The following DTD1 variants were observed in gnomAD, a reference collection of about 807,000 sequenced individuals.
DTD1 encodes D-tyrosyl-tRNA deacylase 1 homolog.
In DTD1, 13 loss-of-function variants were observed where a neutral mutation model predicts 25.6. The observed-to-expected ratio is 0.51, with a 90% CI of 0.33 to 0.81. DTD1 has a LOEUF of 0.81. Ranked by LOEUF, DTD1 falls within the 30% of genes least tolerant of loss-of-function variation. DTD1 has a pLI of 0.02. For missense variants in DTD1, 193 were observed against 266.4 expected (o/e 0.72, Z 1.92); for synonymous variants, 110 against 103.6 (o/e 1.06, Z -0.37).
At chr20:18,630,158 G>A (rs913263870) in intron 4 of DTD1, among the ~76,000 whole-genome samples, 2 of 151,978 alleles carry the variant, frequency 1.3e-5, no homozygotes, top group Non-Finnish European at 2.9e-5. Flanking sequence ...ACATGAAAAT[G>A]TAAGCTTTTT....
At chr20:18,641,669 T>G (rs897129525) in intron 4 of DTD1, among the ~76,000 whole-genome samples, 2 of 152,246 alleles carry the variant, frequency 1.3e-5, no homozygotes, top group African/African-American at 4.8e-5. Context: ...ATATCTTCTT[T>G]GGAGATCTAT....
chr20:18,676,559 A>G (rs1183931035), intron 4 of DTD1, among the ~76,000 whole-genome samples: 1 of 152,124 alleles, frequency 6.6e-6, no homozygotes, highest in Non-Finnish European at 1.5e-5. Flanking sequence ...TGTAGCCAAT[A>G]AATTGGAAAA....
chr20:18,631,731 C>G (rs887149250), intron 4 of DTD1: 15 of 985,316 alleles, frequency 1.5e-5, no homozygotes, highest in African/African-American at 8.7e-5. Context: ...TGTCTTGCCT[C>G]TGGCTACTCC....
chr20:18,634,848 G>A (rs1457022678), intron 4 of DTD1, among the ~76,000 whole-genome samples: 1 of 152,188 alleles, frequency 6.6e-6, no homozygotes, highest in East Asian at 1.9e-4. Flanking sequence ...GCACACAGGT[G>A]GCTTGCTTCT....
At chr20:18,635,107 A>C (rs2060801913) in intron 4 of DTD1, among the ~76,000 whole-genome samples, 1 of 152,206 alleles carries the variant, frequency 6.6e-6, no homozygotes, top group Admixed American at 6.5e-5. Context: ...ACATGGCCTG[A>C]ACCAAGCTCG....
At chr20:18,680,548 C>A (rs2060993161) in intron 4 of DTD1, among the ~76,000 whole-genome samples, 1 of 151,716 alleles carries the variant, frequency 6.6e-6, no homozygotes, top group South Asian at 2.1e-4. Flanking sequence ...GGATTGAACA[C>A]CTACTCTGAC....
intron 4 of DTD1, among the ~76,000 whole-genome samples, chr20:18,725,990 G>C (rs530725544): frequency 6.6e-6 from 1 of 152,316 alleles, no homozygotes; most frequent in East Asian, 1.9e-4. Flanking sequence ...GGGTACTGTG[G>C]TCAGTTCTAG....
rs368435535 is a variant in DTD1, at chr20:18,757,818, A to G, written c.*20-5542A>G. Reference sequence around the variant, plus strand: ...GTTAGGGAGGATTCCCTCTTTTTCTATTGATTGGAATAGTTTCAGAAGGAA... The same window carrying G: ...GTTAGGGAGGATTCCCTCTTTTTCTGTTGATTGGAATAGTTTCAGAAGGAA... On this transcript the variant is annotated intron_variant, in intron 5 of 5. Transcript: ENST00000377452. Among the ~76,000 whole-genome samples the G allele has an allele frequency of 3.4e-3, 512 of 152,148 alleles. 9 individuals carry two copies. Among genetic ancestry groups the G allele is most frequent in the Admixed American group, 0.029 (449 of 15,288 alleles).
intron 4 of DTD1, among the ~76,000 whole-genome samples, chr20:18,710,223 TATC>T (rs1236597042): frequency 6.6e-6 from 1 of 152,212 alleles, no homozygotes; most frequent in East Asian, 1.9e-4. Context: ...ACAGGTTAGG[TATC>T]ATGTCTTATC....
chr20:18,673,045 T>G (rs1395801185), intron 4 of DTD1, among the ~76,000 whole-genome samples: 1 of 152,192 alleles, frequency 6.6e-6, no homozygotes, highest in African/African-American at 2.4e-5. Flanking sequence ...CAGTAACTGT[T>G]TATCGAATTA....
At chr20:18,659,372 T>C (rs2060901057) in intron 4 of DTD1, among the ~76,000 whole-genome samples, 1 of 152,168 alleles carries the variant, frequency 6.6e-6, no homozygotes, top group African/African-American at 2.4e-5. Context: ...TGCAGACTCT[T>C]TCCTCCCTCC....
intron 4 of DTD1, among the ~76,000 whole-genome samples, chr20:18,638,324 A>C (rs2328311): frequency 1 from 152,158 of 152,186 alleles, 76,065 homozygotes; most frequent in Non-Finnish European, 1. Flanking sequence ...CAGCACTGAA[A>C]CAACATTGTA....
intron 5 of DTD1, among the ~76,000 whole-genome samples, chr20:18,755,601 C>T (rs1477529069): frequency 2.0e-5 from 3 of 152,198 alleles, no homozygotes; most frequent in Non-Finnish European, 4.4e-5. Context: ...GACATGAACT[C>T]ATCATTTTTT....
intron 4 of DTD1, among the ~76,000 whole-genome samples, chr20:18,724,597 A>G (rs886711915): frequency 6.6e-6 from 1 of 152,216 alleles, no homozygotes; most frequent in Non-Finnish European, 1.5e-5. Context: ...AAGATGGACT[A>G]TAATGTGTGA....
intron 4 of DTD1, among the ~76,000 whole-genome samples, chr20:18,731,766 C>T (rs2061239736): frequency 6.6e-6 from 1 of 152,172 alleles, no homozygotes; most frequent in African/African-American, 2.4e-5. Context: ...ATTGTCTGGA[C>T]TCTGTAACTG....
chr20:18,619,146 G>T (rs542275104), intron 3 of DTD1, among the ~76,000 whole-genome samples: 1 of 151,892 alleles, frequency 6.6e-6, no homozygotes, highest in South Asian at 2.1e-4. Context: ...CCCCTGGCCT[G>T]TTCATTTTTT....
At chr20:18,693,945 T>G (rs900063155) in intron 4 of DTD1, among the ~76,000 whole-genome samples, 3 of 152,220 alleles carry the variant, frequency 2.0e-5, no homozygotes, top group Non-Finnish European at 2.9e-5. Flanking sequence ...TTTCCTTAGC[T>G]GCACTAGCCA....
intron 3 of DTD1, among the ~76,000 whole-genome samples, chr20:18,603,089 G>A (rs1300360097): frequency 1.0e-5 from 1 of 98,410 alleles, no homozygotes; most frequent in Non-Finnish European, 2.3e-5. Context: ...GATCTACCAA[G>A]CAAATGGAAA....
chr20:18,677,547 G>A (rs78769248), intron 4 of DTD1, among the ~76,000 whole-genome samples: 4,529 of 152,188 alleles, frequency 0.03, 226 homozygotes, highest in African/African-American at 0.1. Flanking sequence ...GATGTTGGAC[G>A]TGGTGGAAAT....
Sources: gnomAD v4.1 joint callset for allele counts (sites outside exome capture counted in the v4.1 genomes callset) on GRCh38, gnomAD v4.1.1 for gene constraint, MANE v1.5 for transcripts, NCBI Gene and HGNC (gene_info 2026-07-23, HGNC 2026-07-21) for gene names.